ENAH: variants seen among roughly 807,000 people sequenced by gnomAD.
ENAH encodes protein enabled homolog.
Under a neutral mutation model 78.7 loss-of-function variants are expected in ENAH, and 23 were observed. That is an observed-to-expected ratio of 0.29 (90% CI 0.21 to 0.41). ENAH has a LOEUF of 0.41. ENAH is among the 10% of genes least tolerant of loss of function. ENAH has a pLI of 1.00. For synonymous variants in ENAH, 226 were observed against 241.0 expected, an observed-to-expected ratio of 0.94 and a Z score of 0.58; for missense variants, 544 against 691.0, an observed-to-expected ratio of 0.79 and a Z score of 2.39.
rs1352210103 is a variant in ENAH at position 225,487,784 on chromosome 1, A to T, written c.*9991T>A. 6.6e-6 allele frequency: 1 copy of T among 152,234 alleles called. No individual in the cohort carries two copies. Among genetic ancestry groups the T allele is most frequent in the Non-Finnish European group, 1.5e-5 (1 of 68,044 alleles). The allele number at this position is 152,234 out of a possible 1,614,324, so 9.4% of individuals were successfully genotyped here. On this transcript the variant is annotated 3_prime_UTR_variant, in exon 14 of 14. Transcript: ENST00000366843. ...GCACACTTCTAGTTCTAAAATTCAGAGCAAAGCAAGATGACAAGAGATTCC... is the reference window on the plus strand; with the variant it reads ...GCACACTTCTAGTTCTAAAATTCAGTGCAAAGCAAGATGACAAGAGATTCC...
intron 1 of ENAH, chr1:225,652,229 A>C: frequency 1.5e-6 from 1 of 654,174 alleles, no homozygotes. Flanking sequence ...GAGATTTCAG[A>C]CCTTTCAAAC....
At chr1:225,604,116 T>G (rs1304999020) in intron 1 of ENAH, among the ~76,000 whole-genome samples, 2 of 152,218 alleles carry the variant, frequency 1.3e-5, no homozygotes, top group Non-Finnish European at 2.9e-5. Flanking sequence ...CTACACACTA[T>G]GAGTAATAAC....
At chr1:225,507,265 A>C (rs2096339467) in intron 11 of ENAH, among the ~76,000 whole-genome samples, 2 of 152,018 alleles carry the variant, frequency 1.3e-5, no homozygotes, top group African/African-American at 4.8e-5. Context: ...AAATTCAAAG[A>C]TGTATGTTTT....
rs563705703 is a variant in ENAH at position 225,564,350 on chromosome 1, C to T, written c.171+2899G>A. 4.6e-5 allele frequency among the ~76,000 whole-genome samples: 7 copies of T among 151,908 alleles called. No homozygotes were observed. The East Asian group carries it at 5.8e-4, about 13-fold the overall frequency. ...TGTTGCCCAGGCTGGAGTGCAATGGCGCAATCTCGGCTCACCGCAACCTCC... is the reference window on the plus strand; with the variant it reads ...TGTTGCCCAGGCTGGAGTGCAATGGTGCAATCTCGGCTCACCGCAACCTCC... On this transcript the variant is annotated intron_variant, in intron 2 of 13. Transcript: ENST00000366843.
chr1:225,600,022 C>G (rs932270987), intron 1 of ENAH, among the ~76,000 whole-genome samples: 1 of 152,088 alleles, frequency 6.6e-6, no homozygotes, highest in African/African-American at 2.4e-5. Flanking sequence ...CATGCCTACT[C>G]CCACTTCACT....
chr1:225,583,451 AAAGAG>A (rs1260486898), intron 1 of ENAH, among the ~76,000 whole-genome samples: 7 of 150,388 alleles, frequency 4.7e-5, no homozygotes, highest in East Asian at 1.9e-4. Context: ...AAAAAAAAAA[AAAGAG>A]AGAGAGAATT....
intron 1 of ENAH, among the ~76,000 whole-genome samples, chr1:225,589,135 A>C (rs937331330): frequency 6.6e-6 from 1 of 152,182 alleles, no homozygotes; most frequent in African/African-American, 2.4e-5. Flanking sequence ...GAAACAAAAC[A>C]GTATGGGCAG....
chr1:225,585,581 A>G (rs2096842179), intron 1 of ENAH, among the ~76,000 whole-genome samples: 1 of 152,142 alleles, frequency 6.6e-6, no homozygotes, highest in Admixed American at 6.5e-5. Flanking sequence ...TGAGGTCGGG[A>G]GTTCGAGACC....
At chr1:225,507,470 G>C (rs979065288) in intron 11 of ENAH, among the ~76,000 whole-genome samples, 3 of 151,956 alleles carry the variant, frequency 2.0e-5, no homozygotes. Flanking sequence ...TGGTTACATA[G>C]CAGATGTCCT....
intron 1 of ENAH, among the ~76,000 whole-genome samples, chr1:225,582,861 C>T (rs1477144198): frequency 6.6e-6 from 1 of 151,978 alleles, no homozygotes; most frequent in African/African-American, 2.4e-5. Context: ...TCCCCACTCT[C>T]CGCAAAAAAG....
chr1:225,621,290 ATCTC>A (rs1350541896), intron 1 of ENAH, among the ~76,000 whole-genome samples: 1 of 144,874 alleles, frequency 6.9e-6, no homozygotes. Context: ...CTTTAAATCT[ATCTC>A]TCTTTTTTTT....
chr1:225,607,639 A>G (rs1174861227), intron 1 of ENAH, among the ~76,000 whole-genome samples: 2 of 152,134 alleles, frequency 1.3e-5, no homozygotes, highest in Admixed American at 1.3e-4. Context: ...AAGTTTACAC[A>G]GGAGAGACTG....
chr1:225,567,195 A>C (rs533420603), intron 2 of ENAH, 54 bp downstream of exon 2: 2 of 1,573,268 alleles, frequency 1.3e-6, no homozygotes, highest in African/African-American at 1.4e-5. Flanking sequence ...GGAATATGCC[A>C]AGTCCTTTTG....
chr1:225,507,370 C>A (rs2096340900), intron 11 of ENAH, among the ~76,000 whole-genome samples: 1 of 151,792 alleles, frequency 6.6e-6, no homozygotes. Context: ...AAATCTATGT[C>A]ATTGGAACTA....
At chr1:225,530,706 C>T in intron 3 of ENAH, 68 bp from the exon 4 acceptor site, 2 of 1,206,784 alleles carry the variant, frequency 1.7e-6, no homozygotes, top group African/African-American at 3.0e-5. Context: ...GAGATAAAAT[C>T]ATGAGAATAA....
chr1:225,492,055 T>C lies in ENAH; in HGVS notation c.*5720A>G, dbSNP rs903613901. ...TGAAATATGTAAGCTTTTCTAATAA[T>C]TTCTATGAAAAGCTATATTCTCTTA... On this transcript the variant is annotated 3_prime_UTR_variant, in exon 14 of 14. Transcript: ENST00000366843. The C allele has an allele frequency of 4.0e-5, 6 of 151,522 alleles. No homozygotes were observed. The highest frequency in any genetic ancestry group is 1.5e-4 in the African/African-American group (6 of 41,316). The allele number at this position is 151,522 out of a possible 1,614,324, so 9.4% of individuals were successfully genotyped here.
intron 4 of ENAH, among the ~76,000 whole-genome samples, chr1:225,525,150 G>T (rs1407551669): frequency 6.6e-6 from 1 of 152,004 alleles, no homozygotes; most frequent in African/African-American, 2.4e-5. Context: ...AATTCATTTA[G>T]AACTATTACT....
At chr1:225,605,348 C>T (rs1420037669) in intron 1 of ENAH, among the ~76,000 whole-genome samples, 4 of 152,162 alleles carry the variant, frequency 2.6e-5, no homozygotes, top group Non-Finnish European at 5.9e-5. Flanking sequence ...AACTCGATGT[C>T]AGGCACTTTT....
At chr1:225,499,611 G>A (rs1043305305) in intron 12 of ENAH, among the ~76,000 whole-genome samples, 1 of 151,960 alleles carries the variant, frequency 6.6e-6, no homozygotes, top group African/African-American at 2.4e-5. Context: ...GGTGGAGGCT[G>A]CAGCGACCTG....
Sources: allele counts gnomAD v4.1 joint callset (sites outside exome capture counted in the v4.1 genomes callset), GRCh38; gene constraint gnomAD v4.1.1; transcripts MANE v1.5; gene names NCBI Gene and HGNC (gene_info 2026-07-23, HGNC 2026-07-21).